Variants in PPP3CA observed in about 807,000 individuals in gnomAD.
The protein encoded by PPP3CA is protein phosphatase 3 catalytic subunit alpha.
In PPP3CA, 14 loss-of-function variants were observed where a neutral mutation model predicts 66.5. The ratio of observed to expected loss-of-function variants is 0.21; its 90% CI spans 0.14 to 0.33. PPP3CA has a LOEUF of 0.33. Among genes scored for constraint, PPP3CA ranks in the 10% least tolerant of loss-of-function variants. The pLI is 1.00. For missense variants in PPP3CA, 317 were observed against 639.5 expected, an observed-to-expected ratio of 0.50 and a Z score of 5.44; for synonymous variants, 232 against 226.2, an observed-to-expected ratio of 1.03 and a Z score of -0.23.
At chr4:101,301,903 T>C (rs1170646034) in intron 1 of PPP3CA, among the ~76,000 whole-genome samples, 3 of 151,000 alleles carry the variant, frequency 2.0e-5, no homozygotes, top group Non-Finnish European at 1.5e-5. Flanking sequence ...AATATGCAAA[T>C]AAGTAAATAT....
At chr4:101,325,761 T>A (rs1238141965) in intron 1 of PPP3CA, among the ~76,000 whole-genome samples, 1 of 152,194 alleles carries the variant, frequency 6.6e-6, no homozygotes, top group Non-Finnish European at 1.5e-5. Flanking sequence ...CATGCTCTTT[T>A]ATACCTTAGG....
At chr4:101,070,334 A>G (rs1166935177) in intron 8 of PPP3CA, among the ~76,000 whole-genome samples, 1 of 152,228 alleles carries the variant, frequency 6.6e-6, no homozygotes, top group Non-Finnish European at 1.5e-5. Flanking sequence ...TACTAAAAAC[A>G]TAACTAACAA....
intron 3 of PPP3CA, among the ~76,000 whole-genome samples, chr4:101,105,253 G>A (rs974980812): frequency 6.7e-6 from 1 of 148,594 alleles, no homozygotes; most frequent in Non-Finnish European, 1.5e-5. Flanking sequence ...TGCAACCTCC[G>A]CCTCCTGGGT....
In PPP3CA at chr4:101,298,122, C is replaced by A. The variant is rs918826474; in HGVS notation, c.58+48617G>T. Among the ~76,000 whole-genome samples, 16 of 151,920 alleles carry A rather than the reference C, an allele frequency of 1.1e-4. No homozygotes were observed. The East Asian group carries it at 2.9e-3, about 28-fold the overall frequency. ...AAGACCTAGGACTGTAGTATTTCTC[C>A]TATATATATCCTAGGGTCAGAATAA... On this transcript the variant is annotated intron_variant, in intron 1 of 13. Transcript: ENST00000394854.
At chr4:101,154,581 A>G (rs562358215) in intron 2 of PPP3CA, among the ~76,000 whole-genome samples, 10 of 152,304 alleles carry the variant, frequency 6.6e-5, no homozygotes, top group African/African-American at 2.4e-4. Context: ...ATTTTGTCAC[A>G]GAGATAATAG....
chr4:101,146,682 C>T (rs1007852678), intron 2 of PPP3CA, among the ~76,000 whole-genome samples: 1 of 152,064 alleles, frequency 6.6e-6, no homozygotes, highest in African/African-American at 2.4e-5. Context: ...ACCTCGTGAT[C>T]TGCCCACCTC....
At chr4:101,296,633 T>C (rs527970484) in intron 1 of PPP3CA, among the ~76,000 whole-genome samples, 2 of 152,282 alleles carry the variant, frequency 1.3e-5, no homozygotes, top group Admixed American at 6.5e-5. Context: ...TTAATTCTGG[T>C]GAGTATGTTA....
chr4:101,091,326 A>G (rs1419084302), intron 6 of PPP3CA, among the ~76,000 whole-genome samples: 2 of 152,300 alleles, frequency 1.3e-5, no homozygotes, highest in African/African-American at 2.4e-5. Context: ...CATCTTTAAT[A>G]AAAGATTACT....
At chr4:101,201,075 T>C (rs925771939) in intron 1 of PPP3CA, among the ~76,000 whole-genome samples, 4 of 152,242 alleles carry the variant, frequency 2.6e-5, no homozygotes, top group African/African-American at 9.6e-5. Context: ...ATTGATTTTA[T>C]GTTGAAATAA....
At chr4:101,126,221 G>A (rs1046180181) in intron 2 of PPP3CA, among the ~76,000 whole-genome samples, 2 of 152,120 alleles carry the variant, frequency 1.3e-5, no homozygotes, top group African/African-American at 4.8e-5. Context: ...CTAAAATATG[G>A]TGAAAACATT....
intron 2 of PPP3CA, among the ~76,000 whole-genome samples, chr4:101,170,836 T>C (rs897985379): frequency 6.6e-6 from 1 of 152,186 alleles, no homozygotes; most frequent in African/African-American, 2.4e-5. Context: ...TAAACTCTTA[T>C]TTATTGAGCA....
At chr4:101,322,815 T>C (rs1456879202) in intron 1 of PPP3CA, among the ~76,000 whole-genome samples, 1 of 152,126 alleles carries the variant, frequency 6.6e-6, no homozygotes, top group East Asian at 1.9e-4. Flanking sequence ...TTTGTTATAG[T>C]AGCCTGAATG....
intron 12 of PPP3CA, among the ~76,000 whole-genome samples, chr4:101,029,464 T>TAACA (rs1331521743): frequency 1.3e-5 from 2 of 148,614 alleles, no homozygotes; most frequent in Non-Finnish European, 1.5e-5. Context: ...ACTAAATAAA[T>TAACA]AACAAACAAC....
At chr4:101,064,735 T>C (rs1275109397) in intron 8 of PPP3CA, among the ~76,000 whole-genome samples, 2 of 152,064 alleles carry the variant, frequency 1.3e-5, no homozygotes, top group African/African-American at 4.8e-5. Context: ...TCTGAATGCA[T>C]GCCAGATTGG....
chr4:101,334,346 G>C (rs1387633733), intron 1 of PPP3CA, among the ~76,000 whole-genome samples: 1 of 152,034 alleles, frequency 6.6e-6, no homozygotes, highest in Non-Finnish European at 1.5e-5. Context: ...TGTTGGCCAG[G>C]CTGGTCTAAA....
intron 2 of PPP3CA, among the ~76,000 whole-genome samples, chr4:101,110,822 A>G (rs1721644966): frequency 6.6e-6 from 1 of 152,192 alleles, no homozygotes; most frequent in African/African-American, 2.4e-5. Flanking sequence ...GGATGGTCCA[A>G]GCATTGCCAG....
At chr4:101,043,146 C>G (rs914506666) in intron 10 of PPP3CA, among the ~76,000 whole-genome samples, 1 of 151,724 alleles carries the variant, frequency 6.6e-6, no homozygotes, top group East Asian at 1.9e-4. Context: ...GTGGCTAAGA[C>G]GTCTAAAAAT....
At chr4:101,317,905 A>T (rs1328738667) in intron 1 of PPP3CA, among the ~76,000 whole-genome samples, 2 of 152,238 alleles carry the variant, frequency 1.3e-5, no homozygotes, top group Non-Finnish European at 2.9e-5. Context: ...GTAAACTGGA[A>T]AAACAACAAT....
At chr4:101,082,777 A>G (rs1729493990) in intron 7 of PPP3CA, among the ~76,000 whole-genome samples, 1 of 152,234 alleles carries the variant, frequency 6.6e-6, no homozygotes, top group African/African-American at 2.4e-5. Context: ...GTATTCTTTA[A>G]AACAACAGTA....
Sources: allele counts gnomAD v4.1 joint callset (sites outside exome capture counted in the v4.1 genomes callset), GRCh38; gene constraint gnomAD v4.1.1; transcripts MANE v1.5; gene names NCBI Gene and HGNC (gene_info 2026-07-23, HGNC 2026-07-21).